The following OR5H2 variants were observed in gnomAD, a reference collection of about 807,000 sequenced individuals.
OR5H2 encodes olfactory receptor 5H2.
For missense variants in OR5H2, 391 were observed against 364.4 expected, an observed-to-expected ratio of 1.07 and a Z score of -0.59; for synonymous variants, 132 against 126.8, an observed-to-expected ratio of 1.04 and a Z score of -0.27.
Position 98,282,965 on chromosome 3 carries a change from A to G in OR5H2, c.63A>G (p.Pro21=), listed in dbSNP as rs532361248. The G allele has an allele frequency of 1.7e-5, 27 of 1,614,046 alleles. No individual in the cohort carries two copies. Among genetic ancestry groups the G allele is most frequent in the Admixed American group, 3.3e-5 (2 of 60,014 alleles). ...TTCTCACAGGACTTACATATCAGCC[A>G]GAGTGGAAAATGCCCCTGTTCTTGG... ...EFVLTGLTYQ[P]EWKMPLFLVF... Residue 21 remains proline, a synonymous_variant, in exon 1 of 1, where the codon CCA becomes CCG. Transcript: ENST00000355273.
chr3:98,283,670 C>T lies in OR5H2; in HGVS notation c.768C>T (p.Ile256=). Residue 256 remains isoleucine, a synonymous_variant, in exon 1 of 1, where the codon ATC becomes ATT. Coordinates refer to ENST00000355273, the MANE Select transcript of OR5H2 (RefSeq NM_001005482.2). The stretch of plus-strand genomic sequence containing the variant: ...TCTCTTTATATTATGGCCCACTTAT[C>T]TTCATGTATTTGCGCCCTGCATCTC... ...LSVSLYYGPL[I]FMYLRPASPQ... The T allele has an allele frequency of 6.2e-7, 1 of 1,613,322 alleles. No homozygotes were observed. The highest frequency in any genetic ancestry group is 8.5e-7 in the Non-Finnish European group (1 of 1,179,782).
rs1452250441 is a variant in OR5H2 at position 98,283,711 on chromosome 3, A to C, written c.809A>C (p.Gln270Pro). ...CCTGCATCTCCACAAGCAGATGACC[A>C]AGATATGATAGACTCTGTCTTTTAT... Reference protein sequence around the residue: ...LRPASPQADDQDMIDSVFYTI... With the variant: ...LRPASPQADDPDMIDSVFYTI... Residue 270 changes from glutamine (Q) to proline (P), a missense_variant, in exon 1 of 1, where the codon CAA (glutamine) becomes CCA (proline). By Grantham distance (76) the Gln-to-Pro change is moderately conservative (BLOSUM62 -1). Transcript: ENST00000355273. 6.2e-7 allele frequency: 1 copy of C among 1,612,148 alleles called. No individual in the cohort carries two copies. The highest frequency in any genetic ancestry group is 1.1e-5 in the South Asian group (1 of 90,882).
In OR5H2 at chr3:98,283,077, A is replaced by C; in HGVS notation, c.175A>C (p.Met59Leu). ...GAATGACCCACAACTTCACATCCCC[A>C]TGTACTTTTTTCTTGGGAGTTTAGC... The part of the protein sequence containing the change: ...IWNDPQLHIP[M>L]YFFLGSLAFV... The change falls in exon 1 of 1, where the codon ATG becomes CTG. Residue 59 changes from methionine (M) to leucine (L), a missense_variant. By Grantham distance (15) the Met-to-Leu change is conservative. Transcript: ENST00000355273. 6.8e-6 allele frequency: 11 copies of C among 1,613,984 alleles called. No individual in the cohort carries two copies. The highest frequency in any genetic ancestry group is 9.3e-6 in the Non-Finnish European group (11 of 1,179,926).
At position 98,282,897 on chromosome 3, in the gene OR5H2, G is replaced by T. The variant is rs780113943; in HGVS notation, c.-6G>T. Reference sequence around the variant, plus strand: ...GCATTTCATTTCAGGGATGTCGAATGAGGACATGGAACAGGATAATACAAC... The same window carrying T: ...GCATTTCATTTCAGGGATGTCGAATTAGGACATGGAACAGGATAATACAAC... On this transcript the variant is annotated 5_prime_UTR_variant, in exon 1 of 1. The change abolishes an upstream ATG in the 5' untranslated region. Coordinates refer to ENST00000355273, the MANE Select transcript of OR5H2 (RefSeq NM_001005482.2). The T allele has an allele frequency of 1.2e-5, 20 of 1,612,768 alleles. No individual in the cohort carries two copies. The highest frequency in any genetic ancestry group is 3.3e-4 in the Middle Eastern group (2 of 6,046).
In OR5H2 at chr3:98,283,276, C is replaced by T; in HGVS notation, c.374C>T (p.Ala125Val). Reference protein sequence around the residue: ...LATMAYDRYVAICKPLLYPVI... With the variant: ...LATMAYDRYVVICKPLLYPVI... ...ACAATGGCATATGATCGCTATGTAG[C>T]CATATGCAAACCTTTACTATATCCA... Residue 125 changes from alanine to valine, a missense_variant, in exon 1 of 1, where the codon GCC (alanine) becomes GTC (valine). Transcript: ENST00000355273. The T allele has an allele frequency of 2.5e-6, 4 of 1,613,766 alleles. No individual in the cohort carries two copies. Among genetic ancestry groups the T allele is most frequent in the Non-Finnish European group, 3.4e-6 (4 of 1,179,854 alleles).
In OR5H2 at chr3:98,283,626, G is replaced by A; in HGVS notation, c.724G>A (p.Gly242Arg). The A allele has an allele frequency of 6.2e-7, 1 of 1,613,480 alleles. No individual in the cohort carries two copies. Among genetic ancestry groups the A allele is most frequent in the African/African-American group, 1.3e-5 (1 of 74,952 alleles). The change falls in exon 1 of 1, where the codon GGA (glycine) becomes AGA (arginine). Residue 242 changes from glycine to arginine, a missense_variant. Physicochemically the swap from Gly to Arg is moderately radical, Grantham distance 125 (BLOSUM62 -2). Coordinates refer to ENST00000355273, the MANE Select transcript of OR5H2 (RefSeq NM_001005482.2). The part of the protein sequence containing the change: ...RGVRKAFSTC[G>R]AHLLSVSLYY... ...CGTAAGGAAAGCCTTTTCCACCTGT[G>A]GAGCCCATCTCTTATCTGTCTCTTT... is the stretch of plus-strand genomic sequence containing the variant.
rs1323494098 is a variant in OR5H2 at position 98,283,028 on chromosome 3, C to A, written c.126C>A (p.Asn42Lys). ...LVIYLITIVW[N>K]LGLIALIWND... Reference sequence around the variant, plus strand: ...TCTATCTCATCACTATTGTGTGGAACCTTGGTCTGATTGCTCTTATCTGGA... The same window carrying A: ...TCTATCTCATCACTATTGTGTGGAAACTTGGTCTGATTGCTCTTATCTGGA... The change falls in exon 1 of 1, where the codon AAC becomes AAA. Residue 42 changes from asparagine (N) to lysine (K), a missense_variant. Physicochemically the swap from Asn to Lys is moderately conservative, Grantham distance 94. Transcript: ENST00000355273. 6 of 1,613,880 alleles carry A rather than the reference C, an allele frequency of 3.7e-6. No homozygotes were observed. The highest frequency in any genetic ancestry group is 1.7e-5 in the Admixed American group (1 of 59,996).
At position 98,282,814 on chromosome 3, in the gene OR5H2, A is replaced by G. The variant is rs1706144717; in HGVS notation, c.-89A>G. The G allele has an allele frequency of 1.7e-6, 2 of 1,163,722 alleles. No homozygotes were observed. Among genetic ancestry groups the G allele is most frequent in the South Asian group, 1.4e-5 (1 of 73,156 alleles). The allele number at this position is 1,163,722 out of a possible 1,614,324, so 72.1% of individuals were successfully genotyped here. ...GTAATAAGAGTATGTTTTTCTATCA[A>G]CTTCCCTCCCCCAGTATTTGCTGTA... On this transcript the variant is annotated 5_prime_UTR_variant, in exon 1 of 1. Transcript: ENST00000355273.
Position 98,283,039 on chromosome 3 carries a change from T to C in OR5H2, c.137T>C (p.Ile46Thr). The change falls in exon 1 of 1, where the codon ATT (isoleucine) becomes ACT (threonine). Residue 46 changes from isoleucine (I) to threonine (T), a missense_variant. Transcript: ENST00000355273. Reference protein sequence around the residue: ...LITIVWNLGLIALIWNDPQLH... With the variant: ...LITIVWNLGLTALIWNDPQLH... ...ACTATTGTGTGGAACCTTGGTCTGA[T>C]TGCTCTTATCTGGAATGACCCACAA... 2 of 1,614,082 alleles carry C rather than the reference T, an allele frequency of 1.2e-6. No homozygotes were observed. The highest frequency in any genetic ancestry group is 1.7e-6 in the Non-Finnish European group (2 of 1,179,948).
At position 98,282,924 on chromosome 3, in the gene OR5H2, T is replaced by C. The variant is rs770601763; in HGVS notation, c.22T>C (p.Leu8=). The C allele has an allele frequency of 1.9e-6, 3 of 1,613,812 alleles. No homozygotes were observed. Among genetic ancestry groups the C allele is most frequent in the African/African-American group, 1.3e-5 (1 of 74,918 alleles). The change falls in exon 1 of 1, where the codon TTG becomes CTG. Residue 8 remains leucine (L), a synonymous_variant. Transcript: ENST00000355273. MEQDNTT[L]LTEFVLTGLT... is the part of the protein sequence containing the mutation. ...GGACATGGAACAGGATAATACAACA[T>C]TGCTGACAGAGTTTGTTCTCACAGG...
At position 98,283,241 on chromosome 3, in the gene OR5H2, T is replaced by C. The variant is rs1434128492; in HGVS notation, c.339T>C (p.Phe113=). 1.2e-6 allele frequency: 2 copies of C among 1,613,898 alleles called. No individual in the cohort carries two copies. The highest frequency in any genetic ancestry group is 1.7e-6 in the Non-Finnish European group (2 of 1,179,956). The part of the protein sequence containing the change: ...SFAFGGTTEC[F]LLATMAYDRY... ...CATTTGGTGGAACTACAGAATGTTT[T>C]CTCTTGGCAACAATGGCATATGATC... The change falls in exon 1 of 1, where the codon TTT becomes TTC. Residue 113 remains phenylalanine (F), a synonymous_variant. Transcript: ENST00000355273.
Position 98,282,951 on chromosome 3 carries a change from C to T in OR5H2, c.49C>T (p.Leu17Phe), listed in dbSNP as rs1706148151. ...GCTGACAGAGTTTGTTCTCACAGGA[C>T]TTACATATCAGCCAGAGTGGAAAAT... ...TLLTEFVLTG[L>F]TYQPEWKMPL... Residue 17 changes from leucine (L) to phenylalanine (F), a missense_variant, in exon 1 of 1, where the codon CTT becomes TTT. Leu to Phe is a conservative substitution (Grantham distance 22). Coordinates refer to ENST00000355273, the MANE Select transcript of OR5H2 (RefSeq NM_001005482.2). 6.2e-7 allele frequency: 1 copy of T among 1,613,968 alleles called. No individual in the cohort carries two copies. The highest frequency in any genetic ancestry group is 8.5e-7 in the Non-Finnish European group (1 of 1,179,910).
rs1420630403 is a variant in OR5H2 at position 98,282,744 on chromosome 3, G to A, written c.-159G>A. The A allele has an allele frequency of 3.5e-5, 21 of 601,784 alleles. No individual in the cohort carries two copies. The South Asian group carries it at 3.9e-4, about 11-fold the overall frequency. The allele number at this position is 601,784 out of a possible 1,614,324, so 37.3% of individuals were successfully genotyped here. On this transcript the variant is annotated 5_prime_UTR_variant, in exon 1 of 1. Coordinates refer to ENST00000355273, the MANE Select transcript of OR5H2 (RefSeq NM_001005482.2). ...TTGATTTCTTATATTTCCCAAAACAGTTTCCATCTATTACAGGAATATGAA... is the reference window on the plus strand; with the variant it reads ...TTGATTTCTTATATTTCCCAAAACAATTTCCATCTATTACAGGAATATGAA...
rs1461882326 is a variant in OR5H2 at position 98,283,463 on chromosome 3, T to C, written c.561T>C (p.Ile187=). The change falls in exon 1 of 1, where the codon ATT becomes ATC. Residue 187 remains isoleucine, a synonymous_variant. Coordinates refer to ENST00000355273, the MANE Select transcript of OR5H2 (RefSeq NM_001005482.2). ...FYCDIIPLFM[I]SCTDPSINFL... ...GTGATATTATACCACTGTTTATGAT[T>C]TCCTGTACTGACCCTTCTATTAATT... 1 of 1,611,718 alleles carries C rather than the reference T, an allele frequency of 6.2e-7. No homozygotes were observed. The highest frequency in any genetic ancestry group is 1.3e-5 in the African/African-American group (1 of 74,636).
chr3:98,283,939 A>G lies in OR5H2; in HGVS notation c.*107A>G, dbSNP rs1706170346. On this transcript the variant is annotated 3_prime_UTR_variant, in exon 1 of 1. Transcript: ENST00000355273. ...GTAAATATAATTGTTTTAGCATTTT[A>G]ATGACTTAGGGTTTTATACCTAATA... 1 of 625,656 alleles carries G rather than the reference A, an allele frequency of 1.6e-6. No individual in the cohort carries two copies. Among genetic ancestry groups the G allele is most frequent in the South Asian group, 2.4e-5 (1 of 41,642 alleles). The allele number at this position is 625,656 out of a possible 1,614,324, so 38.8% of individuals were successfully genotyped here.
Position 98,283,033 on chromosome 3 carries a change from G to A in OR5H2, c.131G>A (p.Gly44Asp), listed in dbSNP as rs567996418. ...IYLITIVWNLGLIALIWNDPQ... is the reference protein window; with the variant it reads ...IYLITIVWNLDLIALIWNDPQ... ...CTCATCACTATTGTGTGGAACCTTGGTCTGATTGCTCTTATCTGGAATGAC... is the reference window on the plus strand; with the variant it reads ...CTCATCACTATTGTGTGGAACCTTGATCTGATTGCTCTTATCTGGAATGAC... The change falls in exon 1 of 1, where the codon GGT becomes GAT. Residue 44 changes from glycine (G) to aspartate (D), a missense_variant. Physicochemically the swap from Gly to Asp is moderately conservative, Grantham distance 94. Coordinates refer to ENST00000355273, the MANE Select transcript of OR5H2 (RefSeq NM_001005482.2). The A allele has an allele frequency of 6.2e-7, 1 of 1,613,984 alleles. No homozygotes were observed. The highest frequency in any genetic ancestry group is 2.2e-5 in the East Asian group (1 of 44,864).
rs1576168064 is a variant in OR5H2, at chr3:98,283,534, T to C, written c.632T>C (p.Ile211Thr). The change falls in exon 1 of 1, where the codon ATT (isoleucine) becomes ACT (threonine). Residue 211 changes from isoleucine to threonine, a missense_variant. By Grantham distance (89) the Ile-to-Thr change is moderately conservative (BLOSUM62 -1). Transcript: ENST00000355273. ...ILSGSIQVFT[I>T]VTVLNSYTFA... is the part of the protein sequence containing the mutation. ...TCTGGCTCAATTCAGGTATTCACCA[T>C]TGTGACAGTTCTTAATTCTTACACA... is the stretch of plus-strand genomic sequence containing the variant. 1 of 1,613,284 alleles carries C rather than the reference T, an allele frequency of 6.2e-7. No homozygotes were observed. Among genetic ancestry groups the C allele is most frequent in the Non-Finnish European group, 8.5e-7 (1 of 1,179,804 alleles).
In OR5H2 at chr3:98,283,723, A is replaced by G; in HGVS notation, c.821A>G (p.Asp274Gly). ...CAAGCAGATGACCAAGATATGATAG[A>G]CTCTGTCTTTTATACAATCATAATT... ...SPQADDQDMIDSVFYTIIIPL... is the reference protein window; with the variant it reads ...SPQADDQDMIGSVFYTIIIPL... The change falls in exon 1 of 1, where the codon GAC (aspartate) becomes GGC (glycine). Residue 274 changes from aspartate (D) to glycine (G), a missense_variant. Physicochemically the swap from Asp to Gly is moderately conservative, Grantham distance 94. Transcript: ENST00000355273. The G allele has an allele frequency of 6.2e-7, 1 of 1,610,400 alleles. No individual in the cohort carries two copies. The highest frequency in any genetic ancestry group is 8.5e-7 in the Non-Finnish European group (1 of 1,178,076).
rs1441557945 is a variant in OR5H2 at position 98,283,557 on chromosome 3, A to G, written c.655A>G (p.Thr219Ala). The change falls in exon 1 of 1, where the codon ACA becomes GCA. Residue 219 changes from threonine (T) to alanine (A), a missense_variant. Transcript: ENST00000355273. ...CATTGTGACAGTTCTTAATTCTTAC[A>G]CATTTGCTCTTTTCACAATCCTAAA... ...FTIVTVLNSY[T>A]FALFTILKKK... is the part of the protein sequence containing the mutation. 2 of 1,612,892 alleles carry G rather than the reference A, an allele frequency of 1.2e-6. No homozygotes were observed. The highest frequency in any genetic ancestry group is 3.4e-5 in the Admixed American group (2 of 59,616).
Sources: gnomAD v4.1 joint callset for allele counts on GRCh38, gnomAD v4.1.1 for gene constraint, MANE v1.5 for transcripts, NCBI Gene and HGNC (gene_info 2026-07-23, HGNC 2026-07-21) for gene names.